Variants in PRR5L observed in about 807,000 individuals in gnomAD.
PRR5L encodes proline rich 5 like, also known as proline-rich protein 5-like.
Under a neutral mutation model 36.4 loss-of-function variants are expected in PRR5L, and 21 were observed. The observed-to-expected ratio is 0.58, with a 90% CI of 0.41 to 0.83. The LOEUF is 0.83. Ranked by LOEUF, PRR5L falls within the 40% of genes least tolerant of loss-of-function variation. PRR5L has a pLI of 0.00. For synonymous variants in PRR5L, 188 were observed against 197.0 expected (o/e 0.95, Z 0.38); for missense variants, 381 against 473.3 (o/e 0.80, Z 1.81).
chr11:36,393,844 A>G (rs114934269), intron 1 of PRR5L: 1 of 152,160 alleles, frequency 6.6e-6, no homozygotes, highest in African/African-American at 2.4e-5. Context: ...TGTGTGTCCT[A>G]GAAGAGGCAA....
At chr11:36,392,815 T>C (rs1857589809) in intron 1 of PRR5L, among the ~76,000 whole-genome samples, 1 of 152,168 alleles carries the variant, frequency 6.6e-6, no homozygotes. Context: ...GAGAACAGCA[T>C]GGAGGAAACT....
chr11:36,459,517 C>G (rs560573233), intron 8 of PRR5L, among the ~76,000 whole-genome samples: 2 of 152,304 alleles, frequency 1.3e-5, no homozygotes, highest in African/African-American at 4.8e-5. Flanking sequence ...ATGGGGCTTA[C>G]CCGGTTTTTG....
At chr11:36,330,440 C>T (rs1307002432) in intron 1 of PRR5L, among the ~76,000 whole-genome samples, 1 of 152,114 alleles carries the variant, frequency 6.6e-6, no homozygotes, top group South Asian at 2.1e-4. Context: ...TTAACTCAGT[C>T]TAGTGGTATA....
chr11:36,403,217 C>G (rs1857835063), intron 2 of PRR5L, 81 bp from the exon 3 acceptor site: 1 of 1,232,516 alleles, frequency 8.1e-7, no homozygotes, highest in East Asian at 2.3e-5. Flanking sequence ...GGTCACTCCA[C>G]ACACCTTCAG....
At chr11:36,433,918 A>G (rs1255468803) in intron 5 of PRR5L, among the ~76,000 whole-genome samples, 1 of 152,206 alleles carries the variant, frequency 6.6e-6, no homozygotes, top group Non-Finnish European at 1.5e-5. Context: ...GAAAGGAAAC[A>G]TTATCCCTGG....
intron 4 of PRR5L, among the ~76,000 whole-genome samples, chr11:36,424,681 A>G (rs576489830): frequency 6.6e-6 from 1 of 152,356 alleles, no homozygotes; most frequent in East Asian, 1.9e-4. Flanking sequence ...AACATTTTCA[A>G]GCACGTACAT....
intron 1 of PRR5L, among the ~76,000 whole-genome samples, chr11:36,378,849 G>T (rs542409194): frequency 2.2e-4 from 34 of 152,280 alleles, no homozygotes; most frequent in Admixed American, 7.8e-4. Context: ...AGCCCACTGA[G>T]GCTTGGAGAA....
At chr11:36,419,929 C>T (rs913833081) in intron 4 of PRR5L, among the ~76,000 whole-genome samples, 1 of 152,152 alleles carries the variant, frequency 6.6e-6, no homozygotes, top group Non-Finnish European at 1.5e-5. Context: ...CCCCAGGGGA[C>T]CCTGAATCAT....
At chr11:36,316,382 G>GT (rs947010593) in intron 1 of PRR5L, among the ~76,000 whole-genome samples, 8 of 152,294 alleles carry the variant, frequency 5.3e-5, no homozygotes, top group Admixed American at 2.0e-4. Flanking sequence ...TGGAGAAAGA[G>GT]TAATTCATGC....
At chr11:36,351,465 T>A (rs867341121) in intron 1 of PRR5L, among the ~76,000 whole-genome samples, 4 of 55,398 alleles carry the variant, frequency 7.2e-5, no homozygotes, top group South Asian at 7.6e-4. Context: ...ATTTATATAT[T>A]TATATATACA....
chr11:36,318,360 T>G (rs1856579108), intron 1 of PRR5L, among the ~76,000 whole-genome samples: 1 of 152,198 alleles, frequency 6.6e-6, no homozygotes, highest in South Asian at 2.1e-4. Flanking sequence ...TTGGTACTAT[T>G]TACACCATAT....
intron 6 of PRR5L, among the ~76,000 whole-genome samples, chr11:36,441,709 G>T (rs111950564): frequency 6.6e-6 from 1 of 152,278 alleles, no homozygotes; most frequent in African/African-American, 2.4e-5. Context: ...GAGTCTCTTT[G>T]TGGGGGCTCC....
chr11:36,349,805 C>A (rs1384349076), intron 1 of PRR5L: 5 of 152,164 alleles, frequency 3.3e-5, no homozygotes, highest in Non-Finnish European at 7.3e-5. Flanking sequence ...GCACTGTAAT[C>A]CAGGGCCAGT....
intron 3 of PRR5L, among the ~76,000 whole-genome samples, chr11:36,418,689 G>C (rs1037170632): frequency 6.6e-6 from 1 of 151,906 alleles, no homozygotes; most frequent in South Asian, 2.1e-4. Context: ...CCAGCTACTC[G>C]GGAGGCTGAG....
intron 1 of PRR5L, among the ~76,000 whole-genome samples, chr11:36,354,534 T>A (rs888546948): frequency 6.6e-6 from 1 of 152,196 alleles, no homozygotes; most frequent in African/African-American, 2.4e-5. Context: ...AGGAATGTGT[T>A]GCAGTCATAA....
intron 1 of PRR5L, among the ~76,000 whole-genome samples, chr11:36,317,389 G>A (rs1856568276): frequency 6.6e-6 from 1 of 152,198 alleles, no homozygotes; most frequent in Non-Finnish European, 1.5e-5. Context: ...GAATTGTGAG[G>A]ATCAAATGAA....
At chr11:36,342,790 A>G (rs893417409) in intron 1 of PRR5L, among the ~76,000 whole-genome samples, 1 of 152,132 alleles carries the variant, frequency 6.6e-6, no homozygotes, top group Admixed American at 6.6e-5. Context: ...CTCCCTTTAA[A>G]TATAGCCGCA....
At chr11:36,402,414 T>G (rs1857816002) in intron 2 of PRR5L, among the ~76,000 whole-genome samples, 1 of 152,186 alleles carries the variant, frequency 6.6e-6, no homozygotes, top group Non-Finnish European at 1.5e-5. Context: ...TGACTGATTT[T>G]GTATTTTTAG....
At chr11:36,331,757 A>T (rs1274229138) in intron 1 of PRR5L, among the ~76,000 whole-genome samples, 1 of 152,214 alleles carries the variant, frequency 6.6e-6, no homozygotes, top group Non-Finnish European at 1.5e-5. Flanking sequence ...GAAAAAAGAG[A>T]TTAGCAAGAG....
Sources: gnomAD v4.1 joint callset for allele counts (sites outside exome capture counted in the v4.1 genomes callset) on GRCh38, gnomAD v4.1.1 for gene constraint, MANE v1.5 for transcripts, NCBI Gene and HGNC (gene_info 2026-07-23, HGNC 2026-07-21) for gene names.